The following SDK2 variants were observed in gnomAD, a reference collection of about 807,000 sequenced individuals.
SDK2 encodes the protein protein sidekick-2.
In SDK2, 105 loss-of-function variants were observed where a neutral mutation model predicts 253.9. The observed-to-expected ratio is 0.41, with a 90% CI of 0.35 to 0.49. The LOEUF is 0.49. SDK2 is among the 20% of genes least tolerant of loss of function. The pLI is 0.06. For synonymous variants in SDK2, 1,249 were observed against 1,234.9 expected (o/e 1.01, Z -0.24); for missense variants, 2,608 against 3,003.0 (o/e 0.87, Z 3.07).
intron 29 of SDK2, among the ~76,000 whole-genome samples, chr17:73,388,772 C>CCT (rs2062896475): frequency 1.6e-4 from 8 of 49,312 alleles, no homozygotes; most frequent in East Asian, 1.2e-3. Context: ...TTCCCTCCCT[C>CCT]TCCTTCCTTC....
At position 73,644,042 on chromosome 17, in the gene SDK2, C is replaced by G. The variant is rs915628621; in HGVS notation, c.47G>C (p.Arg16Pro). 4 of 1,550,336 alleles carry G rather than the reference C, an allele frequency of 2.6e-6. No individual in the cohort carries two copies. The highest frequency in any genetic ancestry group is 1.4e-5 in the African/African-American group (1 of 72,912). ...IWTLLALHQI[R>P]AARAQDDVSP... Reference sequence around the variant, plus strand: ...CTCCTTACCTTGGGCTCTGGCCGCGCGGATCTGATGCAGAGCTAGCAGTGT... The same window carrying G: ...CTCCTTACCTTGGGCTCTGGCCGCGGGGATCTGATGCAGAGCTAGCAGTGT... Residue 16 changes from arginine to proline, a missense_variant, in exon 1 of 45, where the codon CGC becomes CCC. Physicochemically the swap from Arg to Pro is moderately radical, Grantham distance 103. Transcript: ENST00000392650. This position sits in a 1 kb window ranked among gnomAD's most constrained non-coding sequence, Gnocchi z 6.3.
intron 15 of SDK2, among the ~76,000 whole-genome samples, chr17:73,420,922 C>G (rs2063224469): frequency 6.6e-6 from 1 of 150,660 alleles, no homozygotes. Context: ...GTGATCCGCC[C>G]CCCTCAGCCT....
intron 2 of SDK2, among the ~76,000 whole-genome samples, chr17:73,501,604 A>T (rs902808860): frequency 2.6e-5 from 4 of 152,268 alleles, no homozygotes; most frequent in African/African-American, 9.6e-5. Context: ...TTTGTCACCA[A>T]CAAAGGGTTC....
At chr17:73,359,607 C>T (rs1422649198) in intron 39 of SDK2, among the ~76,000 whole-genome samples, 2 of 152,218 alleles carry the variant, frequency 1.3e-5, no homozygotes, top group Non-Finnish European at 2.9e-5. Flanking sequence ...TCCCCGCCTG[C>T]AGACCGCCCC....
intron 12 of SDK2, among the ~76,000 whole-genome samples, chr17:73,426,137 C>T (rs560688817): frequency 5.5e-5 from 8 of 144,856 alleles, no homozygotes; most frequent in Admixed American, 2.1e-4. Flanking sequence ...CTCCGCCTCC[C>T]GGGTTCAAGC....
intron 2 of SDK2, among the ~76,000 whole-genome samples, chr17:73,482,946 G>A (rs556938926): frequency 6.6e-6 from 1 of 152,326 alleles, no homozygotes; most frequent in South Asian, 2.1e-4. Flanking sequence ...TACAGGGGAA[G>A]GGACTCCTCT....
intron 37 of SDK2, among the ~76,000 whole-genome samples, chr17:73,367,295 T>C (rs7223979): frequency 0.73 from 110,462 of 152,006 alleles, 40,429 homozygotes; most frequent in East Asian, 0.91. Context: ...AGGTGTGAGA[T>C]ACCATGTGTG....
intron 1 of SDK2, among the ~76,000 whole-genome samples, chr17:73,590,555 G>A (rs1387560379): frequency 6.6e-6 from 1 of 152,208 alleles, no homozygotes; most frequent in Non-Finnish European, 1.5e-5. Context: ...ACAGGTTAGT[G>A]ACTCTAAGTC....
chr17:73,437,984 C>A lies in SDK2; in HGVS notation c.896G>T (p.Gly299Val), dbSNP rs1442076067. ...RSSSVPSVVR[G>V]AYLSVLEPPQ... ...CTCACCCAGCACTGAGAGGTAGGCGCCCCGGACAACAGAGGGGACGCTGCT... is the reference window on the plus strand; with the variant it reads ...CTCACCCAGCACTGAGAGGTAGGCGACCCGGACAACAGAGGGGACGCTGCT... The change falls in exon 7 of 45, where the codon GGC becomes GTC. Residue 299 changes from glycine to valine, a missense_variant. Gly to Val is a moderately radical substitution (Grantham distance 109, BLOSUM62 -3). Coordinates refer to ENST00000392650, the MANE Select transcript of SDK2 (RefSeq NM_001144952.2). 6.4e-7 allele frequency: 1 copy of A among 1,550,956 alleles called. No homozygotes were observed.
At chr17:73,405,439 C>CA (rs1230810012) in intron 18 of SDK2, among the ~76,000 whole-genome samples, 666 of 18,338 alleles carry the variant, frequency 0.036, 14 homozygotes, top group African/African-American at 0.05. Context: ...AACTCCTTCT[C>CA]AAAAAAAAAA....
chr17:73,434,881 C>T (rs977816499), intron 9 of SDK2, among the ~76,000 whole-genome samples: 5 of 152,264 alleles, frequency 3.3e-5, no homozygotes, highest in African/African-American at 7.2e-5. Flanking sequence ...CCACCCCCCT[C>T]GACCTCCCGA....
intron 16 of SDK2, 100 bp downstream of exon 16, chr17:73,419,066 G>A (rs1406934910): frequency 3.7e-6 from 5 of 1,351,766 alleles, no homozygotes; most frequent in Non-Finnish European, 5.1e-6. Flanking sequence ...AGATGGCGAA[G>A]GGCCTGCCAT....
At position 73,334,837 on chromosome 17, in the gene SDK2, C is replaced by T. The variant is rs974319556; in HGVS notation, c.*3750G>A. 4.6e-5 allele frequency: 7 copies of T among 152,444 alleles called. No homozygotes were observed. The highest frequency in any genetic ancestry group is 1.0e-4 in the Non-Finnish European group (7 of 68,274). The allele number at this position is 152,444 out of a possible 1,614,324, so 9.4% of individuals were successfully genotyped here. A position where few individuals can be genotyped will look rare whatever the true frequency, so the allele number is the denominator to read the frequency against. On this transcript the variant is annotated 3_prime_UTR_variant, in exon 45 of 45. Coordinates refer to ENST00000392650, the MANE Select transcript of SDK2 (RefSeq NM_001144952.2). Reference sequence around the variant, plus strand: ...GGTGGCGGCTGCTCAGATGGTCTCCCCTTTACCTTCCTGCCCACCAGCCCC... The same window carrying T: ...GGTGGCGGCTGCTCAGATGGTCTCCTCTTTACCTTCCTGCCCACCAGCCCC...
intron 32 of SDK2, 91 bp from the exon 33 acceptor site, chr17:73,384,102 G>A (rs2062853704): frequency 7.2e-7 from 1 of 1,394,504 alleles, no homozygotes; most frequent in Non-Finnish European, 9.9e-7. Flanking sequence ...CAGCCACAGA[G>A]CAGGGACTAT....
intron 6 of SDK2, among the ~76,000 whole-genome samples, chr17:73,438,899 C>T (rs994748776): frequency 3.3e-5 from 5 of 152,182 alleles, no homozygotes; most frequent in Non-Finnish European, 4.4e-5. Context: ...TGGGAAACAG[C>T]GGCTTGAGTG....
At chr17:73,448,418 A>G (rs1014755946) in intron 4 of SDK2, among the ~76,000 whole-genome samples, 3 of 151,730 alleles carry the variant, frequency 2.0e-5, no homozygotes, top group Non-Finnish European at 2.9e-5. Flanking sequence ...AGGCTGGAGT[A>G]CAGTGGCATG....
intron 12 of SDK2, among the ~76,000 whole-genome samples, chr17:73,426,410 T>A (rs1003991646): frequency 4.6e-5 from 7 of 152,038 alleles, no homozygotes; most frequent in Middle Eastern, 3.4e-3. Flanking sequence ...AATAAAAATA[T>A]CATAAACTCT....
At chr17:73,442,852 C>T (rs1337597285) in intron 5 of SDK2, among the ~76,000 whole-genome samples, 2 of 150,668 alleles carry the variant, frequency 1.3e-5, no homozygotes, top group Non-Finnish European at 1.5e-5. Flanking sequence ...ACTCCAAACT[C>T]CTCTTCTAAT....
At chr17:73,537,563 C>T (rs1179646844) in intron 1 of SDK2, among the ~76,000 whole-genome samples, 1 of 151,782 alleles carries the variant, frequency 6.6e-6, no homozygotes, top group Non-Finnish European at 1.5e-5. Flanking sequence ...GGTTCTGCAG[C>T]CTGGAGGGTG....
Sources: gnomAD v4.1 joint callset for allele counts (sites outside exome capture counted in the v4.1 genomes callset) on GRCh38, gnomAD v4.1.1 for gene constraint, Gnocchi (gnomAD v3.1) non-coding constraint, MANE v1.5 for transcripts, NCBI Gene and HGNC (gene_info 2026-07-23, HGNC 2026-07-21) for gene names.